CAMTA1: variants seen among roughly 807,000 people sequenced by gnomAD.
The protein encoded by CAMTA1 is calmodulin binding transcription activator 1.
CAMTA1 carries 27 observed loss-of-function variants against 170.9 expected under a neutral mutation model. The observed-to-expected ratio is 0.16, with a 90% CI of 0.12 to 0.22. The LOEUF is 0.22. CAMTA1 is among the 10% of genes least tolerant of loss of function. The pLI is 1.00. For synonymous variants in CAMTA1, 833 were observed against 891.5 expected, an observed-to-expected ratio of 0.93 and a Z score of 1.17; for missense variants, 1,619 against 2,217.2, an observed-to-expected ratio of 0.73 and a Z score of 5.42.
rs116377606 is a variant in CAMTA1, at chr1:7,432,750, G to A, written c.439-35080G>A. ...TCCACTCAGTTGAACAAAATTTGCC[G>A]TCCCCCTTGTGGCCCTGCATCTCCT... On this transcript the variant is annotated intron_variant, in intron 5 of 22. Coordinates refer to ENST00000303635, the MANE Select transcript of CAMTA1 (RefSeq NM_015215.4). 4.9e-3 allele frequency among the ~76,000 whole-genome samples: 748 copies of A among 152,342 alleles called. 3 individuals carry two copies. Among genetic ancestry groups the A allele is most frequent in the Non-Finnish European group, 6.0e-3 (407 of 68,022 alleles).
intron 3 of CAMTA1, among the ~76,000 whole-genome samples, chr1:6,830,161 C>T (rs11120774): frequency 0.069 from 10,399 of 149,984 alleles, 386 homozygotes; most frequent in Middle Eastern, 0.1. Context: ...CGTAGCCTCC[C>T]GCGTAGCTAG....
At chr1:7,201,425 T>G (rs1656672750) in intron 4 of CAMTA1, among the ~76,000 whole-genome samples, 1 of 152,216 alleles carries the variant, frequency 6.6e-6, no homozygotes, top group Admixed American at 6.5e-5. Context: ...GGTCACATGG[T>G]AACTCTGTGT....
chr1:6,853,116 G>C (rs1480240527), intron 3 of CAMTA1: 2 of 152,236 alleles, frequency 1.3e-5, no homozygotes, highest in Non-Finnish European at 1.5e-5. Context: ...GTCTTTGGCA[G>C]AAGAGAAATG....
At position 7,098,120 on chromosome 1, in the gene CAMTA1, T is replaced by TGC. The variant is rs1553244148; in HGVS notation, c.302+6750_302+6751dup. Among the ~76,000 whole-genome samples the TGC allele has an allele frequency of 2.1e-3, 312 of 152,062 alleles. 2 individuals are homozygous for TGC. The highest frequency in any genetic ancestry group is 6.4e-3 in the African/African-American group (264 of 41,480). ...CGAATTGTGTGTGTGTGTGTGTGTG[T>TGC]GCACGTGCGCGTGCGTGCGCATGCG... On this transcript the variant is annotated intron_variant, in intron 4 of 22. Transcript: ENST00000303635.
chr1:6,985,479 A>C (rs1190105852), intron 3 of CAMTA1, among the ~76,000 whole-genome samples: 3 of 152,254 alleles, frequency 2.0e-5, no homozygotes, highest in Non-Finnish European at 4.4e-5. Context: ...TAAGGGAAGG[A>C]ACCATTATAT....
chr1:6,974,494 A>G (rs1693070750), intron 3 of CAMTA1, among the ~76,000 whole-genome samples: 1 of 152,216 alleles, frequency 6.6e-6, no homozygotes, highest in Non-Finnish European at 1.5e-5. Context: ...GAGGGATTGA[A>G]GTAAATGATG....
In CAMTA1 at chr1:6,934,805, G is replaced by A. The variant is rs1018635658; in HGVS notation, c.234+109595G>A. ...GGCAGGGCTCTGAGGATGCTATGAT[G>A]TGCCATTTCTTTGGGCTTTTCCGAG... On this transcript the variant is annotated intron_variant, in intron 3 of 22. Transcript: ENST00000303635. This position sits in a 1 kb window ranked among gnomAD's most constrained non-coding sequence, Gnocchi z 4.5. Among the ~76,000 whole-genome samples the A allele has an allele frequency of 3.9e-5, 6 of 152,164 alleles. No homozygotes were observed. Among genetic ancestry groups the A allele is most frequent in the African/African-American group, 1.4e-4 (6 of 41,448 alleles).
rs927011665 is a variant in CAMTA1 at position 7,037,567 on chromosome 1, C to T, written c.235-53737C>T. 3.9e-5 allele frequency among the ~76,000 whole-genome samples: 6 copies of T among 152,274 alleles called. No homozygotes were observed. In the East Asian group the frequency reaches 1.2e-3, roughly 29 times the overall value. On this transcript the variant is annotated intron_variant, in intron 3 of 22. Coordinates refer to ENST00000303635, the MANE Select transcript of CAMTA1 (RefSeq NM_015215.4). ...GATAAATTTAAAAACAGGCCGGGCG[C>T]GGTGGCTCACGCCTGTAATCCCAGC... is the stretch of plus-strand genomic sequence containing the variant.
chr1:7,540,411 G>C (rs1400917489), intron 6 of CAMTA1, among the ~76,000 whole-genome samples: 5 of 152,130 alleles, frequency 3.3e-5, no homozygotes, highest in Admixed American at 3.3e-4. Flanking sequence ...TGAGCTCCTG[G>C]CTGAGTTTCT....
intron 4 of CAMTA1, among the ~76,000 whole-genome samples, chr1:7,138,183 C>T (rs1306060150): frequency 6.6e-6 from 1 of 152,076 alleles, no homozygotes; most frequent in East Asian, 1.9e-4. Context: ...AATGGAGTCT[C>T]ACTATGTTGT....
At chr1:7,124,562 A>C (rs1644826103) in intron 4 of CAMTA1, among the ~76,000 whole-genome samples, 1 of 152,234 alleles carries the variant, frequency 6.6e-6, no homozygotes, top group South Asian at 2.1e-4. Flanking sequence ...TTGACTATAA[A>C]GTCCTTGAAG....
intron 5 of CAMTA1, among the ~76,000 whole-genome samples, chr1:7,423,140 G>A (rs2091671256): frequency 6.6e-6 from 1 of 152,192 alleles, no homozygotes; most frequent in African/African-American, 2.4e-5. Flanking sequence ...CCAGGTGGGG[G>A]CCTGGCCCCG....
chr1:7,647,476 G>T (rs2095816426), intron 7 of CAMTA1, among the ~76,000 whole-genome samples: 1 of 152,124 alleles, frequency 6.6e-6, no homozygotes, highest in African/African-American at 2.4e-5. Context: ...CTGACTCCCC[G>T]GTCCAGGCCA....
intron 11 of CAMTA1, among the ~76,000 whole-genome samples, chr1:7,730,407 G>C (rs1301130037): frequency 6.6e-6 from 1 of 152,148 alleles, no homozygotes; most frequent in Admixed American, 6.5e-5. Flanking sequence ...CTCAGTTCTG[G>C]ACATGTTTGG....
chr1:6,975,260 A>G (rs1693212524), intron 3 of CAMTA1, among the ~76,000 whole-genome samples: 1 of 152,246 alleles, frequency 6.6e-6, no homozygotes, highest in African/African-American at 2.4e-5. Flanking sequence ...TGCGGGGCTC[A>G]GGATCTTTGT....
chr1:7,043,534 T>C (rs1386432552), intron 3 of CAMTA1, among the ~76,000 whole-genome samples: 1 of 152,198 alleles, frequency 6.6e-6, no homozygotes, highest in Non-Finnish European at 1.5e-5. Flanking sequence ...GCCATCAAAA[T>C]TCTCATCCAG....
intron 3 of CAMTA1, among the ~76,000 whole-genome samples, chr1:7,022,711 C>A (rs1221809708): frequency 6.6e-6 from 1 of 152,208 alleles, no homozygotes; most frequent in South Asian, 2.1e-4. Flanking sequence ...TTAACGTGTT[C>A]TTGGAGAATA....
At chr1:7,327,472 G>A (rs1225403420) in intron 5 of CAMTA1, among the ~76,000 whole-genome samples, 1 of 151,832 alleles carries the variant, frequency 6.6e-6, no homozygotes, top group East Asian at 1.9e-4. Context: ...AAGTAAAGAT[G>A]TCTGTTTTTA....
At chr1:7,011,714 C>T (rs74459386) in intron 3 of CAMTA1, among the ~76,000 whole-genome samples, 2,172 of 152,240 alleles carry the variant, frequency 0.014, 25 homozygotes, top group African/African-American at 0.032. Context: ...TTTTGGTCCA[C>T]GTCCCCCACT....
Sources: allele counts gnomAD v4.1 joint callset (sites outside exome capture counted in the v4.1 genomes callset), GRCh38; gene constraint gnomAD v4.1.1; non-coding constraint Gnocchi (gnomAD v3.1); transcripts MANE v1.5; gene names NCBI Gene and HGNC (gene_info 2026-07-23, HGNC 2026-07-21).